Variants in NAV2 observed in about 807,000 individuals in gnomAD.
The protein encoded by NAV2 is helicase, APC down-regulated 1.
In NAV2, 54 loss-of-function variants were observed where a neutral mutation model predicts 223.2. The ratio of observed to expected loss-of-function variants is 0.24; its 90% CI spans 0.19 to 0.30. The LOEUF is 0.30. NAV2 is among the 10% of genes least tolerant of loss of function. The pLI is 1.00. For missense variants in NAV2, 2,806 were observed against 3,147.5 expected (o/e 0.89, Z 2.60); for synonymous variants, 1,279 against 1,239.3 (o/e 1.03, Z -0.67).
At chr11:19,395,714 T>C (rs1849421872) in intron 1 of NAV2, among the ~76,000 whole-genome samples, 1 of 152,214 alleles carries the variant, frequency 6.6e-6, no homozygotes, top group African/African-American at 2.4e-5. Context: ...CTGGGATTGA[T>C]TTCAGCCTCT....
chr11:19,634,423 A>G (rs2047433670), intron 1 of NAV2, among the ~76,000 whole-genome samples: 1 of 152,194 alleles, frequency 6.6e-6, no homozygotes, highest in African/African-American at 2.4e-5. Flanking sequence ...AATAATCTGT[A>G]CAACAAACCC....
intron 11 of NAV2, among the ~76,000 whole-genome samples, chr11:20,025,934 C>T (rs2055021431): frequency 6.6e-6 from 1 of 152,160 alleles, no homozygotes; most frequent in African/African-American, 2.4e-5. Flanking sequence ...TGGACTCTCT[C>T]CCATATACAT....
intron 10 of NAV2, among the ~76,000 whole-genome samples, chr11:19,983,280 C>A (rs148224618): frequency 1.3e-5 from 2 of 152,152 alleles, no homozygotes; most frequent in Non-Finnish European, 2.9e-5. Flanking sequence ...GGTTGGTAGA[C>A]AATCAGCCAT....
At chr11:19,861,483 G>T (rs562148508) in intron 3 of NAV2, among the ~76,000 whole-genome samples, 6 of 152,296 alleles carry the variant, frequency 3.9e-5, no homozygotes, top group East Asian at 3.9e-4. Flanking sequence ...AAAACTACCG[G>T]TTGTTGGGCA....
rs555465301 is a variant in NAV2, at chr11:19,914,836, G to A, written c.932-18340G>A. ...TGGGATTACAGGCGTGAGCCACCGC[G>A]CCCGGCCTGTTGTTCCTGTTCTTAA... On this transcript the variant is annotated intron_variant, in intron 6 of 37. Transcript: ENST00000349880. Among the ~76,000 whole-genome samples the A allele has an allele frequency of 5.3e-5, 8 of 152,236 alleles. No homozygotes were observed. In the South Asian group the frequency reaches 1.2e-3, roughly 24 times the overall value.
At chr11:19,553,110 G>A (rs1323635339) in intron 1 of NAV2, among the ~76,000 whole-genome samples, 2 of 152,174 alleles carry the variant, frequency 1.3e-5, no homozygotes, top group Non-Finnish European at 2.9e-5. Flanking sequence ...GTGAGGAGAG[G>A]CATTCCTGTT....
rs375879194 is a variant in NAV2, at chr11:19,587,981, A to G, written c.75+236954A>G. On this transcript the variant is annotated intron_variant, in intron 1 of 37. Coordinates refer to the NAV2 transcript ENST00000360655. Reference sequence around the variant, plus strand: ...CATTGGGTCTAGTACCTGGTCAACCATGAGGGCTGTCACCATCTTTGTCTG... The same window carrying G: ...CATTGGGTCTAGTACCTGGTCAACCGTGAGGGCTGTCACCATCTTTGTCTG... Among the ~76,000 whole-genome samples, 5 of 152,354 alleles carry G rather than the reference A, an allele frequency of 3.3e-5. No homozygotes were observed. The East Asian group carries it at 7.7e-4, about 24-fold the overall frequency.
chr11:19,421,367 C>T (rs1195964376), intron 1 of NAV2, among the ~76,000 whole-genome samples: 2 of 152,170 alleles, frequency 1.3e-5, no homozygotes, highest in Admixed American at 6.5e-5. Context: ...CGTGCATGCT[C>T]ACATGTGTCC....
At chr11:20,012,738 T>C (rs1305026033) in intron 11 of NAV2, among the ~76,000 whole-genome samples, 1 of 150,400 alleles carries the variant, frequency 6.6e-6, no homozygotes, top group Non-Finnish European at 1.5e-5. Context: ...GTCAATACAC[T>C]TTTAATACTC....
At chr11:19,404,667 A>G (rs1301732197) in intron 1 of NAV2, among the ~76,000 whole-genome samples, 1 of 152,174 alleles carries the variant, frequency 6.6e-6, no homozygotes, top group Non-Finnish European at 1.5e-5. Context: ...AAAAATTGTA[A>G]ATGCGCCTCT....
In NAV2 at chr11:19,792,905, G is replaced by A. The variant is rs554824769; in HGVS notation, c.268-39579G>A. ...AGCGCCTGACAGCTCAGTTTTGAGTGAGCCATTAAAAAAAAAAAAGAGGCT... is the reference window on the plus strand; with the variant it reads ...AGCGCCTGACAGCTCAGTTTTGAGTAAGCCATTAAAAAAAAAAAAGAGGCT... On this transcript the variant is annotated intron_variant, in intron 1 of 37. Transcript: ENST00000349880. 1.3e-3 allele frequency among the ~76,000 whole-genome samples: 195 copies of A among 149,630 alleles called. 2 individuals carry two copies. Among genetic ancestry groups the A allele is most frequent in the African/African-American group, 4.6e-3 (189 of 40,790 alleles).
chr11:19,588,848 G>T (rs1296760952), intron 1 of NAV2, among the ~76,000 whole-genome samples: 1 of 152,196 alleles, frequency 6.6e-6, no homozygotes, highest in Non-Finnish European at 1.5e-5. Context: ...CCTCATTTGT[G>T]CCAGGTTAGA....
At chr11:19,578,088 C>T (rs757509462) in intron 1 of NAV2, among the ~76,000 whole-genome samples, 2 of 152,188 alleles carry the variant, frequency 1.3e-5, no homozygotes, top group Admixed American at 6.5e-5. Context: ...AGCAGCGTCC[C>T]CTCCCCACCA....
chr11:19,612,052 C>A (rs1014494621), intron 1 of NAV2, among the ~76,000 whole-genome samples: 1 of 152,244 alleles, frequency 6.6e-6, no homozygotes, highest in South Asian at 2.1e-4. Flanking sequence ...GACTTCTATG[C>A]ACCCACAGGC....
chr11:19,828,671 G>A (rs951451998), intron 1 of NAV2, among the ~76,000 whole-genome samples: 1 of 146,020 alleles, frequency 6.8e-6, no homozygotes, highest in East Asian at 2.0e-4. Context: ...TGTGTTTTTT[G>A]TAGGGAGGGG....
At chr11:19,451,927 C>G (rs988173812) in intron 1 of NAV2, among the ~76,000 whole-genome samples, 1 of 152,146 alleles carries the variant, frequency 6.6e-6, no homozygotes, top group African/African-American at 2.4e-5. Flanking sequence ...GTAGGCCAGA[C>G]CAAAGGTGGG....
At chr11:19,635,353 G>A (rs952055245) in intron 1 of NAV2, among the ~76,000 whole-genome samples, 13 of 152,288 alleles carry the variant, frequency 8.5e-5, no homozygotes, top group African/African-American at 1.9e-4. Context: ...CAGTGTGGAC[G>A]ACAGATTATG....
chr11:19,455,371 A>G (rs930371213), intron 1 of NAV2, among the ~76,000 whole-genome samples: 1 of 152,218 alleles, frequency 6.6e-6, no homozygotes, highest in Non-Finnish European at 1.5e-5. Flanking sequence ...AGTATATAGT[A>G]GGTGCTCAGT....
rs555685082 is a variant in NAV2 at position 19,911,716 on chromosome 11, A to T, written c.931+19122A>T. Among the ~76,000 whole-genome samples, 5 of 152,302 alleles carry T rather than the reference A, an allele frequency of 3.3e-5. No individual in the cohort carries two copies. In the East Asian group the frequency reaches 9.7e-4, roughly 29 times the overall value. ...CCTAGAATGCCTACCCAAGCCAGTCAGGGCAGAAATCAATTTCTTGGTGGG... is the reference window on the plus strand; with the variant it reads ...CCTAGAATGCCTACCCAAGCCAGTCTGGGCAGAAATCAATTTCTTGGTGGG... On this transcript the variant is annotated intron_variant, in intron 6 of 37. Coordinates refer to ENST00000349880, the MANE Select transcript of NAV2 (RefSeq NM_145117.5).
Sources: allele counts gnomAD v4.1 joint callset (sites outside exome capture counted in the v4.1 genomes callset), GRCh38; gene constraint gnomAD v4.1.1; transcripts MANE v1.5; gene names NCBI Gene and HGNC (gene_info 2026-07-23, HGNC 2026-07-21).